TH: variants seen among roughly 807,000 people sequenced by gnomAD.
The protein encoded by TH is tyrosine 3-monooxygenase.
A neutral mutation model predicts 57.4 loss-of-function variants in TH; 49 were observed. That is an observed-to-expected ratio of 0.85 (90% confidence interval 0.68 to 1.08). The LOEUF is 1.08. Ranked by LOEUF, TH falls within the 50% of genes least tolerant of loss-of-function variation. TH has a pLI of 0.00. For missense variants in TH, 720 were observed against 696.7 expected, an observed-to-expected ratio of 1.03 and a Z score of -0.38; for synonymous variants, 330 against 304.5, an observed-to-expected ratio of 1.08 and a Z score of -0.87.
At position 2,166,685 on chromosome 11, in the gene TH, G is replaced by A; in HGVS notation, c.925C>T (p.Gln309Ter). 6.4e-7 allele frequency: 1 copy of A among 1,561,320 alleles called. No homozygotes were observed. The highest frequency in any genetic ancestry group is 8.7e-7 in the Non-Finnish European group (1 of 1,153,184). Residue 309 changes from glutamine to a stop codon, truncating the protein, a stop_gained, in exon 8 of 13, where the codon CAG becomes TAG. Coordinates refer to ENST00000352909, the MANE Select transcript of TH (RefSeq NM_000360.4). LOFTEE classifies it high-confidence loss of function. ...FLASLAFRVF[Q>*]CTQYIRHASS... ...GCGTGGCGGATATACTGGGTGCACT[G>A]GAACACGCGGAAGGCCAGGCTGGCC...
At position 2,171,571 on chromosome 11, in the gene TH, G is replaced by A. The variant is rs569015449; in HGVS notation, c.90+126C>T. The A allele has an allele frequency of 1.8e-5, 18 of 1,020,458 alleles. No individual in the cohort carries two copies. Among genetic ancestry groups the A allele is most frequent in the African/African-American group, 4.7e-5 (3 of 63,344 alleles). 63.2% of individuals were successfully genotyped at this position (1,020,458 alleles called of 1,614,324 possible). ...GCCCAGGCCTCCACATCCACGCCGC[G>A]TCCCAGGGGTTTGCATGGACCCTGA... On this transcript the variant is annotated intron_variant, in intron 1 of 12. Coordinates refer to ENST00000352909, the MANE Select transcript of TH (RefSeq NM_000360.4). The surrounding 1 kb of genome is among the most constrained non-coding windows in gnomAD (Gnocchi z 8.6).
chr11:2,169,937 T>G (rs1480465362), intron 1 of TH, 66 bp from the exon 2 acceptor site: 2 of 1,494,598 alleles, frequency 1.3e-6, no homozygotes, highest in Non-Finnish European at 1.8e-6. Flanking sequence ...CACCCACAGC[T>G]GGTCCCACAG....
At chr11:2,164,463 C>A in intron 12 of TH, 71 bp from the exon 13 acceptor site, 12 of 1,513,204 alleles carry the variant, frequency 7.9e-6, no homozygotes, top group Non-Finnish European at 1.1e-5. Flanking sequence ...GAGGGGAGGC[C>A]AGGGGCCGCG....
chr11:2,165,299 G>C lies in TH; in HGVS notation c.1267C>G (p.Gln423Glu). The change falls in exon 12 of 13, where the codon CAA becomes GAA. Residue 423 changes from glutamine (Q) to glutamate (E), a missense_variant. Gln to Glu is a conservative substitution (Grantham distance 29, BLOSUM62 2). Transcript: ENST00000352909. ...TAGACTGACTGGTACGTCTGGTCTTGGTAGGGCTGCACGGCCGCAGCCTCA... is the reference window on the plus strand; with the variant it reads ...TAGACTGACTGGTACGTCTGGTCTTCGTAGGGCTGCACGGCCGCAGCCTCA... ...DPEAAAVQPYQDQTYQSVYFV... is the reference protein window; with the variant it reads ...DPEAAAVQPYEDQTYQSVYFV... The C allele has an allele frequency of 6.2e-7, 1 of 1,612,782 alleles. No homozygotes were observed. Among genetic ancestry groups the C allele is most frequent in the Non-Finnish European group, 8.5e-7 (1 of 1,179,996 alleles).
Position 2,169,672 on chromosome 11 carries a change from G to T in TH, c.290C>A (p.Ser97Tyr). The change falls in exon 2 of 13, where the codon TCC becomes TAC. Residue 97 changes from serine (S) to tyrosine (Y), a missense_variant. By Grantham distance (144) the Ser-to-Tyr change is moderately radical. Transcript: ENST00000352909. ...SPRATKPSAL[S>Y]RAVKVFETFE... ...CACCTCAAACACCTTCACAGCTCGG[G>T]ACAGCGCCGAGGGCTTGGTGGCCCT... The T allele has an allele frequency of 1.2e-6, 2 of 1,613,482 alleles. No individual in the cohort carries two copies. The highest frequency in any genetic ancestry group is 1.1e-5 in the South Asian group (1 of 91,070).
At chr11:2,167,165 G>GC (rs1846122356) in intron 6 of TH, 133 bp from the exon 7 acceptor site, 1 of 1,342,338 alleles carries the variant, frequency 7.4e-7, no homozygotes, top group African/African-American at 1.5e-5. Flanking sequence ...GAAGACCCAG[G>GC]CCCCCGGGAG....
chr11:2,164,359 G>A lies in TH; in HGVS notation c.1368C>T (p.Ser456=), dbSNP rs45538536. The A allele has an allele frequency of 3.1e-4, 476 of 1,552,314 alleles. 2 individuals are homozygous for A. Among genetic ancestry groups the A allele is most frequent in the South Asian group, 7.6e-4 (64 of 83,986 alleles). ...CCAGCGTGTACGGGTCGAACTTCAC[G>A]GAGAAGGGGCGCTGGATGCGTGAGG... ...SYASRIQRPF[S]VKFDPYTLAI... is the part of the protein sequence containing the mutation. The change falls in exon 13 of 13, where the codon TCC becomes TCT. Residue 456 remains serine (S), a synonymous_variant. Coordinates refer to ENST00000352909, the MANE Select transcript of TH (RefSeq NM_000360.4).
Position 2,166,826 on chromosome 11 carries a change from T to TG in TH, c.842-59dup, listed in dbSNP as rs934565089. The TG allele has an allele frequency of 5.8e-6, 9 of 1,562,176 alleles. No homozygotes were observed. In the African/African-American group the frequency reaches 1.2e-4, roughly 21 times the overall value. ...GGGACGGGCTGGAGCCGCGCTGGGG[T>TG]GGGGCGCTTGGCTGACCATCCCCGG... On this transcript the variant is annotated intron_variant, in intron 7 of 12. Transcript: ENST00000352909.
At chr11:2,165,815 C>A (rs1846074619) in intron 10 of TH, 52 bp from the exon 11 acceptor site, 6 of 1,582,162 alleles carry the variant, frequency 3.8e-6, no homozygotes. Flanking sequence ...GCCCACCGGG[C>A]AGCCCCTGGT....
rs780074743 is a variant in TH at position 2,167,039 on chromosome 11, G to A, written c.696-7C>T. 1.5e-5 allele frequency: 24 copies of A among 1,575,568 alleles called. No homozygotes were observed. The African/African-American group carries it at 3.0e-4, about 20-fold the overall frequency. On this transcript the variant is annotated splice_region_variant and splice_polypyrimidine_tract_variant and intron_variant, in intron 6 of 12. Transcript: ENST00000352909. ...CGTGGTGTAGACCTCCTTCCTGCGGGCAGCCAGGCTCAGGGCCCTCTAATG... is the reference window on the plus strand; with the variant it reads ...CGTGGTGTAGACCTCCTTCCTGCGGACAGCCAGGCTCAGGGCCCTCTAATG...
Position 2,167,988 on chromosome 11 carries a change from G to A in TH, c.577-55C>T, listed in dbSNP as rs1162640395. 3.7e-6 allele frequency: 6 copies of A among 1,608,412 alleles called. No individual in the cohort carries two copies. The East Asian group carries it at 6.7e-5, about 18-fold the overall frequency. On this transcript the variant is annotated intron_variant, in intron 4 of 12. Transcript: ENST00000352909. ...AGGCTGTGCTGGGGTGGGGGCACAG[G>A]CCACGGAGGCTCCTGGAGCCGACAG...
chr11:2,166,801 G>C lies in TH; in HGVS notation c.842-33C>G, dbSNP rs1215604479. The C allele has an allele frequency of 3.9e-6, 6 of 1,548,712 alleles. No individual in the cohort carries two copies. The African/African-American group carries it at 4.1e-5, about 11-fold the overall frequency. ...GGGCCACGCGGGTCACTGCCGAGCC[G>C]GGACGGGCTGGAGCCGCGCTGGGGT... On this transcript the variant is annotated intron_variant, in intron 7 of 12. Transcript: ENST00000352909.
chr11:2,165,605 C>T, intron 11 of TH, 63 bp downstream of exon 11: 1 of 1,562,242 alleles, frequency 6.4e-7, no homozygotes, highest in Non-Finnish European at 8.8e-7. Flanking sequence ...AGCCTGTCCC[C>T]TCCCTGCACC....
At position 2,166,615 on chromosome 11, in the gene TH, G is replaced by A. The variant is rs753752531; in HGVS notation, c.977+18C>T. On this transcript the variant is annotated intron_variant, in intron 8 of 12. Coordinates refer to ENST00000352909, the MANE Select transcript of TH (RefSeq NM_000360.4). ...CGCACCCCCCACCCTCGGGCTGGCGGCCAGGGCGCGCACTCACGGCTCAGG... is the reference window on the plus strand; with the variant it reads ...CGCACCCCCCACCCTCGGGCTGGCGACCAGGGCGCGCACTCACGGCTCAGG... 1 of 1,580,958 alleles carries A rather than the reference G, an allele frequency of 6.3e-7. No homozygotes were observed. The highest frequency in any genetic ancestry group is 1.2e-5 in the South Asian group (1 of 86,486).
In TH at chr11:2,166,236, C is replaced by G. The variant is rs550433846; in HGVS notation, c.1048-178G>C. ...ACCGGGCCTCCTCCTCCAGGCAGCC[C>G]TCCTTGACCACATTCCTAAGCCCGT... On this transcript the variant is annotated intron_variant, in intron 9 of 12. Coordinates refer to ENST00000352909, the MANE Select transcript of TH (RefSeq NM_000360.4). 1.0e-5 allele frequency: 9 copies of G among 888,976 alleles called. No individual in the cohort carries two copies. In the East Asian group the frequency reaches 2.1e-4, roughly 21 times the overall value. 55.1% of individuals were successfully genotyped at this position (888,976 alleles called of 1,614,324 possible).
At chr11:2,166,233 GC>G in intron 9 of TH, 175 bp from the exon 10 acceptor site, 1 of 891,164 alleles carries the variant, frequency 1.1e-6, no homozygotes, top group Non-Finnish European at 1.7e-6. Flanking sequence ...CCTCCAGGCA[GC>G]CCTCCTTGAC....
At chr11:2,167,990 C>A in intron 4 of TH, 57 bp from the exon 5 acceptor site, 1 of 1,609,310 alleles carries the variant, frequency 6.2e-7, no homozygotes, top group South Asian at 1.1e-5. Flanking sequence ...GGGCACAGGC[C>A]ACGGAGGCTC....
rs771610752 is a variant in TH at position 2,168,614 on chromosome 11, G to A, written c.364C>T (p.Arg122Ter). ...HLETRPAQRP[R>*]AGGPHLEYFV... Reference sequence around the variant, plus strand: ...TACTCCAGGTGGGGGCCCCCAGCTCGCGGCCTCTGGGCGGGCCGGGTCTCT... The same window carrying A: ...TACTCCAGGTGGGGGCCCCCAGCTCACGGCCTCTGGGCGGGCCGGGTCTCT... Residue 122 changes from arginine (R) to a stop codon, truncating the protein, a stop_gained, in exon 3 of 13, where the codon CGA (arginine) becomes TGA (stop). Coordinates refer to ENST00000352909, the MANE Select transcript of TH (RefSeq NM_000360.4). LOFTEE classifies it high-confidence loss of function. 1.4e-5 allele frequency: 23 copies of A among 1,611,948 alleles called. No individual in the cohort carries two copies. In the East Asian group the frequency reaches 3.3e-4, roughly 23 times the overall value.
chr11:2,165,116 G>A (rs1460519050), intron 12 of TH, 116 bp downstream of exon 12: 3 of 1,535,092 alleles, frequency 2.0e-6, no homozygotes, highest in East Asian at 2.3e-5. Context: ...CCAGGGGTCG[G>A]TTTTCTCATC....
Sources: allele counts gnomAD v4.1 joint callset, GRCh38; gene constraint gnomAD v4.1.1; non-coding constraint Gnocchi (gnomAD v3.1); transcripts MANE v1.5; gene names NCBI Gene and HGNC (gene_info 2026-07-23, HGNC 2026-07-21).